The following PLPP3 variants were observed in gnomAD, a reference collection of about 807,000 sequenced individuals.
PLPP3 encodes PAP2 beta.
In PLPP3, 6 loss-of-function variants were observed where a neutral mutation model predicts 29.6. The observed-to-expected ratio is 0.20, with a 90% CI of 0.11 to 0.40. The LOEUF (loss-of-function observed/expected upper bound fraction) is 0.40. Ranked by LOEUF, PLPP3 falls within the 10% of genes least tolerant of loss-of-function variation. The pLI, the probability that PLPP3 is intolerant of heterozygous loss-of-function variation, is 1.00. For missense variants in PLPP3, 308 were observed against 407.7 expected, an observed-to-expected ratio of 0.76 and a Z score of 2.11; for synonymous variants, 152 against 159.7, an observed-to-expected ratio of 0.95 and a Z score of 0.36.
chr1:56,497,865 C>T (rs1047907882), intron 5 of PLPP3, among the ~76,000 whole-genome samples: 1 of 152,138 alleles, frequency 6.6e-6, no homozygotes, highest in African/African-American at 2.4e-5. Flanking sequence ...CAAGAAAGTG[C>T]TATAAAAATC....
intron 4 of PLPP3, among the ~76,000 whole-genome samples, chr1:56,521,905 T>A (rs1237071653): frequency 2.0e-5 from 3 of 152,248 alleles, no homozygotes; most frequent in Non-Finnish European, 4.4e-5. Context: ...TAATTGGAGT[T>A]GGGGACCGGA....
intron 2 of PLPP3, among the ~76,000 whole-genome samples, chr1:56,530,270 T>C (rs1645878772): frequency 6.6e-6 from 1 of 152,280 alleles, no homozygotes; most frequent in Non-Finnish European, 1.5e-5. Context: ...TTCCTGGCTT[T>C]CTGCTGTGAT....
chr1:56,504,071 G>A (rs1318784899), intron 5 of PLPP3, among the ~76,000 whole-genome samples: 3 of 152,196 alleles, frequency 2.0e-5, no homozygotes, highest in Non-Finnish European at 1.5e-5. Context: ...TACGCACCCA[G>A]CCTTATGAAG....
intron 1 of PLPP3, 142 bp downstream of exon 1, chr1:56,578,736 A>C (rs546622812): frequency 1.1e-6 from 1 of 934,008 alleles, no homozygotes; most frequent in East Asian, 3.9e-5. Context: ...TGGGCGGCGC[A>C]AAGGCTCCCC....
rs117912372 is a variant in PLPP3, at chr1:56,576,758, G to A, written c.139+2120C>T. Among the ~76,000 whole-genome samples, 40 of 152,232 alleles carry A rather than the reference G, an allele frequency of 2.6e-4. No individual in the cohort carries two copies. The East Asian group carries it at 6.0e-3, about 23-fold the overall frequency. Reference sequence around the variant, plus strand: ...TAAACAGGTTAGAATATTAGCTTTGGGGGGACGGGGGATAGTGGGGAAATG... The same window carrying A: ...TAAACAGGTTAGAATATTAGCTTTGAGGGGACGGGGGATAGTGGGGAAATG... On this transcript the variant is annotated intron_variant, in intron 1 of 5. Transcript: ENST00000371250.
chr1:56,550,006 A>G (rs1286992142), intron 1 of PLPP3, among the ~76,000 whole-genome samples: 2 of 152,224 alleles, frequency 1.3e-5, no homozygotes, highest in East Asian at 1.9e-4. Context: ...AGAAATGAAG[A>G]ATAGTGATAA....
chr1:56,554,533 C>T (rs1646061451), intron 1 of PLPP3, among the ~76,000 whole-genome samples: 1 of 148,000 alleles, frequency 6.8e-6, no homozygotes, highest in African/African-American at 2.5e-5. Context: ...GATCACGCCT[C>T]TGCACTCCAG....
intron 2 of PLPP3, among the ~76,000 whole-genome samples, chr1:56,530,323 G>A (rs551700517): frequency 1.1e-4 from 11 of 97,000 alleles, no homozygotes; most frequent in African/African-American, 4.9e-4. Flanking sequence ...CTGTGAAGAT[G>A]ACCTTCAAAA....
intron 1 of PLPP3, among the ~76,000 whole-genome samples, chr1:56,565,176 C>T (rs979679779): frequency 4.6e-5 from 7 of 152,204 alleles, no homozygotes; most frequent in African/African-American, 1.7e-4. Flanking sequence ...TCAGTGGTTG[C>T]TAACTTTACA....
intron 1 of PLPP3, among the ~76,000 whole-genome samples, chr1:56,570,800 T>C (rs188513149): frequency 7.1e-4 from 108 of 152,206 alleles, no homozygotes; most frequent in African/African-American, 2.4e-3. Context: ...AGTCTCTTTT[T>C]TCTCCCCTGA....
At chr1:56,540,336 C>T (rs562467908) in intron 1 of PLPP3, among the ~76,000 whole-genome samples, 1 of 152,224 alleles carries the variant, frequency 6.6e-6, no homozygotes, top group South Asian at 2.1e-4. Context: ...GGGGAAGACA[C>T]ATATCATCAA....
At chr1:56,577,283 G>A (rs1242512734) in intron 1 of PLPP3, among the ~76,000 whole-genome samples, 3 of 152,174 alleles carry the variant, frequency 2.0e-5, no homozygotes, top group Non-Finnish European at 1.5e-5. Context: ...ATGATAATGA[G>A]CCAGCTGCCT....
chr1:56,510,244 C>A (rs1350921750), intron 5 of PLPP3, among the ~76,000 whole-genome samples: 5 of 152,172 alleles, frequency 3.3e-5, no homozygotes, highest in South Asian at 2.1e-4. Flanking sequence ...GTGCAAACAC[C>A]CATCCCCCAC....
At chr1:56,538,958 G>GAAAAAAAAAAAAAAA (rs1645948817) in intron 1 of PLPP3, 1 of 39,740 alleles carries the variant, frequency 2.5e-5, no homozygotes, top group Non-Finnish European at 5.1e-5. Flanking sequence ...CTTCTGGGCT[G>GAAAAAAAAAAAAAAA]CAAAAAAAAA....
intron 4 of PLPP3, among the ~76,000 whole-genome samples, chr1:56,523,141 A>T (rs1027229891): frequency 3.3e-5 from 5 of 152,194 alleles, no homozygotes; most frequent in African/African-American, 7.2e-5. Flanking sequence ...TGGATTTTAT[A>T]CTTCACAGTG....
intron 1 of PLPP3, among the ~76,000 whole-genome samples, chr1:56,561,701 G>A (rs576841098): frequency 2.0e-5 from 3 of 152,144 alleles, no homozygotes; most frequent in Admixed American, 2.0e-4. Context: ...ATTTCAGAGA[G>A]GAGGCAGGCA....
intron 1 of PLPP3, among the ~76,000 whole-genome samples, chr1:56,575,980 A>G (rs535945264): frequency 6.6e-6 from 1 of 152,360 alleles, no homozygotes; most frequent in East Asian, 1.9e-4. Context: ...GCAAAGATTC[A>G]TAACTGTATT....
At chr1:56,545,619 A>G (rs947890120) in intron 1 of PLPP3, among the ~76,000 whole-genome samples, 2 of 152,196 alleles carry the variant, frequency 1.3e-5, no homozygotes, top group African/African-American at 2.4e-5. Flanking sequence ...GAACCCTGCC[A>G]TATATTCTCA....
At position 56,524,283 on chromosome 1, in the gene PLPP3, TC is replaced by T. The variant is rs1335962801; in HGVS notation, c.568del (p.Glu190LysfsTer45). The T allele has an allele frequency of 6.2e-7, 1 of 1,613,350 alleles. No individual in the cohort carries two copies. The highest frequency in any genetic ancestry group is 1.7e-5 in the Admixed American group (1 of 60,008). On this transcript the variant is annotated frameshift_variant, in exon 3 of 6. Coordinates refer to ENST00000371250, the MANE Select transcript of PLPP3 (RefSeq NM_003713.5). LOFTEE classifies it high-confidence loss of function. This position sits in a 1 kb window ranked among gnomAD's most constrained non-coding sequence, Gnocchi z 4.3. ...TGCGGAGGTGGTGTCTCACCTGGCTTCCTGGACTTTGCTGTCATCACCTCTG... is the reference window on the plus strand; with the variant it reads ...TGCGGAGGTGGTGTCTCACCTGGCTTCTGGACTTTGCTGTCATCACCTCTG... Reference protein sequence around the residue: ...RCRGDDSKVQEARKSFFSGHA... With the variant: ...RCRGDDSKVQXARKSFFSGHA...
Sources: allele counts gnomAD v4.1 joint callset (sites outside exome capture counted in the v4.1 genomes callset), GRCh38; gene constraint gnomAD v4.1.1; non-coding constraint Gnocchi (gnomAD v3.1); transcripts MANE v1.5; gene names NCBI Gene and HGNC (gene_info 2026-07-23, HGNC 2026-07-21).